TM9SF4: variants seen among roughly 807,000 people sequenced by gnomAD.
The protein encoded by TM9SF4 is transmembrane 9 superfamily member 4.
A neutral mutation model predicts 90.4 loss-of-function variants in TM9SF4; 26 were observed. The observed-to-expected ratio is 0.29, with a 90% CI of 0.21 to 0.40. The LOEUF is 0.40. TM9SF4 is among the 10% of genes least tolerant of loss of function. TM9SF4 has a pLI of 1.00. For missense variants in TM9SF4, 549 were observed against 834.8 expected (o/e 0.66, Z 4.22); for synonymous variants, 293 against 315.4 (o/e 0.93, Z 0.75).
chr20:32,165,242 A>G (rs896786873), intron 17 of TM9SF4, 53 bp from the exon 18 acceptor site: 18 of 1,606,070 alleles, frequency 1.1e-5, no homozygotes, highest in Non-Finnish European at 1.5e-5. Flanking sequence ...CCAGTTCGCC[A>G]TGCAGCCTGG....
chr20:32,136,428 C>T (rs2046595383), intron 3 of TM9SF4, among the ~76,000 whole-genome samples: 1 of 152,164 alleles, frequency 6.6e-6, no homozygotes, highest in Non-Finnish European at 1.5e-5. Flanking sequence ...ACAAAACAGC[C>T]AGAGTGATCT....
chr20:32,123,615 TC>T (rs773559174), intron 1 of TM9SF4, among the ~76,000 whole-genome samples: 44 of 151,442 alleles, frequency 2.9e-4, no homozygotes, highest in Non-Finnish European at 6.0e-4. Flanking sequence ...TCTTTTTCTT[TC>T]TCTTTGGTGT....
chr20:32,147,209 G>A (rs1192926961), intron 9 of TM9SF4, among the ~76,000 whole-genome samples: 1 of 151,990 alleles, frequency 6.6e-6, no homozygotes, highest in Non-Finnish European at 1.5e-5. Flanking sequence ...TCAGTCTCCT[G>A]ACCTCATGAT....
intron 1 of TM9SF4, among the ~76,000 whole-genome samples, chr20:32,123,866 A>ATATATATATATATATATTTTTTTTTTTTT: frequency 6.4e-5 from 6 of 93,960 alleles, no homozygotes; most frequent in East Asian, 7.4e-4. Context: ...ATATATATAT[A>ATATATATATATATATATTTTTTTTTTTTT]TTTTTTTTTT....
chr20:32,122,370 G>T (rs1292861506), intron 1 of TM9SF4, among the ~76,000 whole-genome samples: 1 of 143,876 alleles, frequency 7.0e-6, no homozygotes, highest in African/African-American at 2.5e-5. Flanking sequence ...CTTCCCAGAC[G>T]GGGTGGCTGC....
chr20:32,157,327 TTG>T (rs903266177), intron 13 of TM9SF4, among the ~76,000 whole-genome samples: 7 of 152,356 alleles, frequency 4.6e-5, no homozygotes, highest in African/African-American at 1.7e-4. Context: ...ACCGACTATG[TTG>T]TGTTTTTATT....
Position 32,143,948 on chromosome 20 carries a change from CT to C in TM9SF4, c.652+852del, listed in dbSNP as rs148354514. On this transcript the variant is annotated intron_variant, in intron 6 of 17. Coordinates refer to ENST00000398022, the MANE Select transcript of TM9SF4 (RefSeq NM_014742.4). ...CTGTCTCCTTTTCTTACCATTTTAT[CT>C]TTTTTTTTCCCCCCAAGACAGAGTC... Among the ~76,000 whole-genome samples the C allele has an allele frequency of 2.8e-3, 428 of 151,198 alleles. 1 individual carries two copies. Among genetic ancestry groups the C allele is most frequent in the African/African-American group, 8.2e-3 (337 of 41,158 alleles).
chr20:32,158,045 G>A (rs1569106699), intron 14 of TM9SF4, 76 bp downstream of exon 14: 5 of 1,572,560 alleles, frequency 3.2e-6, no homozygotes, highest in Non-Finnish European at 3.5e-6. Flanking sequence ...GAAGGGTGCG[G>A]CAACCAGAGT....
At chr20:32,127,408 A>G (rs759828633) in intron 1 of TM9SF4, among the ~76,000 whole-genome samples, 1 of 152,132 alleles carries the variant, frequency 6.6e-6, no homozygotes, top group African/African-American at 2.4e-5. Context: ...TGGGTCTCAG[A>G]TTAACACCAT....
chr20:32,112,029 A>G (rs1467146569), intron 1 of TM9SF4, among the ~76,000 whole-genome samples: 1 of 152,182 alleles, frequency 6.6e-6, no homozygotes, highest in African/African-American at 2.4e-5. Flanking sequence ...CCCCTTCAGG[A>G]CAGTACTTGA....
At chr20:32,162,141 C>A (rs1430671806) in intron 17 of TM9SF4, among the ~76,000 whole-genome samples, 3 of 152,196 alleles carry the variant, frequency 2.0e-5, no homozygotes, top group African/African-American at 7.2e-5. Context: ...GGGCCCCTCA[C>A]CTCCAAAACT....
At chr20:32,127,208 A>C (rs1477879514) in intron 1 of TM9SF4, among the ~76,000 whole-genome samples, 1 of 152,158 alleles carries the variant, frequency 6.6e-6, no homozygotes, top group Non-Finnish European at 1.5e-5. Flanking sequence ...GTTTTCATTG[A>C]GTTATTCCAT....
In TM9SF4 at chr20:32,152,162, G is replaced by A. The variant is rs181245216; in HGVS notation, c.1245+1287G>A. 3.4e-3 allele frequency among the ~76,000 whole-genome samples: 510 copies of A among 151,842 alleles called. 1 individual carries two copies. The highest frequency in any genetic ancestry group is 4.7e-3 in the Non-Finnish European group (320 of 67,958). On this transcript the variant is annotated intron_variant, in intron 12 of 17. Coordinates refer to ENST00000398022, the MANE Select transcript of TM9SF4 (RefSeq NM_014742.4). ...TGGGATTATAGGCGTGAGCCACCACGCCCAGCCAACTTCCTGAATTCTTGA... is the reference window on the plus strand; with the variant it reads ...TGGGATTATAGGCGTGAGCCACCACACCCAGCCAACTTCCTGAATTCTTGA...
chr20:32,160,910 A>T (rs2047006412), intron 16 of TM9SF4, among the ~76,000 whole-genome samples: 1 of 122,130 alleles, frequency 8.2e-6, no homozygotes, highest in Non-Finnish European at 1.6e-5. Context: ...AGATCGCACC[A>T]CTGCACTCCA....
At chr20:32,123,059 C>T (rs1230502618) in intron 1 of TM9SF4, among the ~76,000 whole-genome samples, 2 of 149,408 alleles carry the variant, frequency 1.3e-5, no homozygotes, top group East Asian at 4.0e-4. Context: ...ATTGCAGGCA[C>T]TCCGCAGGCT....
chr20:32,166,460 G>C lies in TM9SF4; in HGVS notation c.*1016G>C, dbSNP rs1037441237. ...AGAGATTACAGATCCCCTCCTGTAA[G>C]TGGCCAGGCATTCTCTCCCTGCCCT... On this transcript the variant is annotated 3_prime_UTR_variant, in exon 18 of 18. Coordinates refer to ENST00000398022, the MANE Select transcript of TM9SF4 (RefSeq NM_014742.4). 6.6e-6 allele frequency: 1 copy of C among 152,396 alleles called. No individual in the cohort carries two copies. The highest frequency in any genetic ancestry group is 2.4e-5 in the African/African-American group (1 of 41,470). 9.4% of individuals were successfully genotyped at this position (152,396 alleles called of 1,614,324 possible).
At chr20:32,134,155 C>G (rs1487806052) in intron 2 of TM9SF4, among the ~76,000 whole-genome samples, 1 of 152,064 alleles carries the variant, frequency 6.6e-6, no homozygotes, top group Admixed American at 6.6e-5. Context: ...CTTCTTCCCA[C>G]TACCTCTGTC....
At chr20:32,155,464 GA>G (rs1470364765) in intron 13 of TM9SF4, among the ~76,000 whole-genome samples, 1 of 152,238 alleles carries the variant, frequency 6.6e-6, no homozygotes, top group Admixed American at 6.5e-5. Flanking sequence ...GCCAACTGGG[GA>G]ATTTCCCTTT....
chr20:32,145,965 G>T (rs2046756826), intron 8 of TM9SF4, among the ~76,000 whole-genome samples: 1 of 152,204 alleles, frequency 6.6e-6, no homozygotes, highest in South Asian at 2.1e-4. Context: ...GTCTGTGCCA[G>T]TGAGGATCAT....
Sources: allele counts gnomAD v4.1 joint callset (sites outside exome capture counted in the v4.1 genomes callset), GRCh38; gene constraint gnomAD v4.1.1; transcripts MANE v1.5; gene names NCBI Gene and HGNC (gene_info 2026-07-23, HGNC 2026-07-21).